MRM2: variants seen among roughly 807,000 people sequenced by gnomAD.
The protein encoded by MRM2 is mitochondrial rRNA methyltransferase 2.
MRM2 carries 15 observed loss-of-function variants against 10.9 expected under a neutral mutation model. That is an observed-to-expected ratio of 1.37 (90% CI 0.92 to 2.11). The LOEUF (loss-of-function observed/expected upper bound fraction) is 2.11, where lower values mean the gene tolerates loss of function less well. Ranked by LOEUF, MRM2 falls within the 30% of genes most tolerant of loss-of-function variation. The probability of loss-of-function intolerance (pLI) is 0.00; values close to 1 mark genes in which losing one functional copy is unlikely to be tolerated. For missense variants in MRM2, 328 were observed against 321.3 expected (o/e 1.02, Z -0.16); for synonymous variants, 139 against 128.7 (o/e 1.08, Z -0.54).
At position 2,235,279 on chromosome 7, in the gene MRM2, G is replaced by A. The variant is rs373582501; in HGVS notation, c.584C>T (p.Thr195Ile). 1.9e-6 allele frequency: 3 copies of A among 1,614,140 alleles called. No homozygotes were observed. In the Admixed American group the frequency reaches 5.0e-5, roughly 27 times the overall value. Residue 195 changes from threonine (T) to isoleucine (I), a missense_variant, in exon 3 of 3, where the codon ACC becomes ATC. Coordinates refer to ENST00000242257, the MANE Select transcript of MRM2 (RefSeq NM_013393.3). ...CCGACGGCTTTGACTTCCAGCCCAGGTTTTACAAAGGAATGTCCCCCCAGG... is the reference window on the plus strand; with the variant it reads ...CCGACGGCTTTGACTTCCAGCCCAGATTTTACAAAGGAATGTCCCCCCAGG... ...LQPGGTFLCK[T>I]WAGSQSRRLQ...
chr7:2,241,628 A>C (rs1488328058), intron 1 of MRM2, among the ~76,000 whole-genome samples: 2 of 152,202 alleles, frequency 1.3e-5, no homozygotes, highest in Non-Finnish European at 2.9e-5. Flanking sequence ...TGATTTAAAT[A>C]AATAAATAAA....
At chr7:2,242,050 G>A (rs1009504925) in intron 1 of MRM2, 112 bp downstream of exon 1, 5 of 1,187,140 alleles carry the variant, frequency 4.2e-6, no homozygotes, top group African/African-American at 1.6e-5. Context: ...TGAGTGCGGG[G>A]ACGGTGCCCA....
intron 2 of MRM2, chr7:2,239,151 G>A (rs770531510): frequency 1.3e-6 from 1 of 779,300 alleles, no homozygotes; most frequent in Admixed American, 1.7e-5. Context: ...AAGCCTGGAA[G>A]GATGCACACC....
Position 2,238,995 on chromosome 7 carries a change from ATATATATATATATATATATATATATATAT to A in MRM2, c.298+394_298+422del, listed in dbSNP as rs1794469362. 6.6e-5 allele frequency: 4 copies of A among 60,706 alleles called. 1 individual carries two copies. The highest frequency in any genetic ancestry group is 1.2e-4 in the Non-Finnish European group (4 of 34,772). The allele number at this position is 60,706 out of a possible 1,614,324, so 3.8% of individuals were successfully genotyped here. ...ATAATAATTATATATATATATATAT[ATATATATATATATATATATATATATATAT>A]ATATAATACATATATGTATGTATCA... On this transcript the variant is annotated intron_variant, in intron 2 of 2. Coordinates refer to ENST00000242257, the MANE Select transcript of MRM2 (RefSeq NM_013393.3).
At chr7:2,237,040 T>C (rs1794431346) in intron 2 of MRM2, among the ~76,000 whole-genome samples, 1 of 152,312 alleles carries the variant, frequency 6.6e-6, no homozygotes, top group African/African-American at 2.4e-5. Context: ...TGTGTGTGTG[T>C]GTGAGACAAG....
Position 2,239,349 on chromosome 7 carries a change from A to G in MRM2, c.298+69T>C, listed in dbSNP as rs548493589. 4.3e-4 allele frequency: 637 copies of G among 1,480,246 alleles called. 3 individuals are homozygous for G. The highest frequency in any genetic ancestry group is 7.4e-4 in the Admixed American group (41 of 55,662). The allele number at this position is 1,480,246 out of a possible 1,614,324, so 91.7% of individuals were successfully genotyped here. ...TCCACCATCCCGCATCCACTGGCAAAGGCAGCTTGCCCATGCCCACTCAGC... is the reference window on the plus strand; with the variant it reads ...TCCACCATCCCGCATCCACTGGCAAGGGCAGCTTGCCCATGCCCACTCAGC... On this transcript the variant is annotated intron_variant, in intron 2 of 2. Coordinates refer to ENST00000242257, the MANE Select transcript of MRM2 (RefSeq NM_013393.3).
chr7:2,238,133 C>A (rs141948315), intron 2 of MRM2: 120 of 152,310 alleles, frequency 7.9e-4, no homozygotes, highest in African/African-American at 2.8e-3. Context: ...GACCAGTGTC[C>A]CTACTCTAAG....
In MRM2 at chr7:2,235,255, C is replaced by T. The variant is rs1227615209; in HGVS notation, c.608G>A (p.Arg203Gln). ...TTCCTCTGTCAGTCTCCTCTGTAAC[C>T]GACGGCTTTGACTTCCAGCCCAGGT... is the stretch of plus-strand genomic sequence containing the variant. ...CKTWAGSQSR[R>Q]LQRRLTEEFQ... Residue 203 changes from arginine (R) to glutamine (Q), a missense_variant, in exon 3 of 3, where the codon CGG (arginine) becomes CAG (glutamine). Physicochemically the swap from Arg to Gln is conservative, Grantham distance 43. Transcript: ENST00000242257. 8 of 1,613,984 alleles carry T rather than the reference C, an allele frequency of 5.0e-6. No homozygotes were observed. The highest frequency in any genetic ancestry group is 2.7e-5 in the African/African-American group (2 of 74,912).
chr7:2,234,975 G>C lies in MRM2; in HGVS notation c.*147C>G, dbSNP rs575704141. The C allele has an allele frequency of 6.3e-6, 4 of 634,152 alleles. No homozygotes were observed. The highest frequency in any genetic ancestry group is 3.0e-5 in the Admixed American group (1 of 33,598). 39.3% of individuals were successfully genotyped at this position (634,152 alleles called of 1,614,324 possible). The stretch of plus-strand genomic sequence containing the variant: ...TCATCTCTTTTTGGTTAAAAAGAGA[G>C]AGAGAGAAAGAGAGAGAGAGACTCC... On this transcript the variant is annotated 3_prime_UTR_variant, in exon 3 of 3. Coordinates refer to ENST00000242257, the MANE Select transcript of MRM2 (RefSeq NM_013393.3).
chr7:2,239,514 G>T lies in MRM2; in HGVS notation c.202C>A (p.Gln68Lys). Residue 68 changes from glutamine (Q) to lysine (K), a missense_variant, in exon 2 of 3, where the codon CAG becomes AAG. Physicochemically the swap from Gln to Lys is moderately conservative, Grantham distance 53 (BLOSUM62 1). Coordinates refer to ENST00000242257, the MANE Select transcript of MRM2 (RefSeq NM_013393.3). ...FKLLEVNERH[Q>K]ILRPGLRVLD... The stretch of plus-strand genomic sequence containing the variant: ...ACCCGAAGGCCGGGCCGCAGAATCT[G>T]GTGCCTCTCGTTCACCTCCAGGAGC... 6.2e-7 allele frequency: 1 copy of T among 1,613,982 alleles called. No homozygotes were observed. Among genetic ancestry groups the T allele is most frequent in the Non-Finnish European group, 8.5e-7 (1 of 1,180,026 alleles).
rs1454172184 is a variant in MRM2, at chr7:2,242,183, G to A, written c.-14C>T. On this transcript the variant is annotated 5_prime_UTR_variant, in exon 1 of 3. Transcript: ENST00000242257. The stretch of plus-strand genomic sequence containing the variant: ...TCACCCCGCCATTGGTGTTCCCCGC[G>A]CCTGCAGCGCGCCGCCGGAAGTGCC... 4 of 1,579,490 alleles carry A rather than the reference G, an allele frequency of 2.5e-6. No individual in the cohort carries two copies. The highest frequency in any genetic ancestry group is 1.1e-5 in the South Asian group (1 of 87,712).
At chr7:2,240,418 C>T (rs1431621877) in intron 1 of MRM2, 3 of 313,300 alleles carry the variant, frequency 9.6e-6, no homozygotes, top group Admixed American at 4.2e-5. Context: ...TTCTTTTTTT[C>T]GAGACAGGGT....
rs1794481796 is a variant in MRM2 at position 2,239,502 on chromosome 7, G to T, written c.214C>A (p.Pro72Thr). The change falls in exon 2 of 3, where the codon CCC becomes ACC. Residue 72 changes from proline (P) to threonine (T), a missense_variant. Physicochemically the swap from Pro to Thr is conservative, Grantham distance 38. Coordinates refer to ENST00000242257, the MANE Select transcript of MRM2 (RefSeq NM_013393.3). ...EVNERHQILR[P>T]GLRVLDCGAA... ...CCACAGTCTAACACCCGAAGGCCGG[G>T]CCGCAGAATCTGGTGCCTCTCGTTC... The T allele has an allele frequency of 1.9e-6, 3 of 1,613,852 alleles. No homozygotes were observed. The highest frequency in any genetic ancestry group is 2.5e-6 in the Non-Finnish European group (3 of 1,180,040).
In MRM2 at chr7:2,235,381, C is replaced by A. The variant is rs758910625; in HGVS notation, c.482G>T (p.Gly161Val). 31 of 1,614,076 alleles carry A rather than the reference C, an allele frequency of 1.9e-5. No homozygotes were observed. The highest frequency in any genetic ancestry group is 2.5e-5 in the Non-Finnish European group (29 of 1,180,022). Residue 161 changes from glycine to valine, a missense_variant, in exon 3 of 3, where the codon GGG becomes GTG. By Grantham distance (109) the Gly-to-Val change is moderately radical. Coordinates refer to ENST00000242257, the MANE Select transcript of MRM2 (RefSeq NM_013393.3). ...CCTGTCATGATCGAGGTCCCGGAAC[C>A]CTGTGGCATTGGGCGCCATGTCGCT... The part of the protein sequence containing the change: ...ILSDMAPNAT[G>V]FRDLDHDRLI...
rs751283850 is a variant in MRM2, at chr7:2,235,320, G to A, written c.543C>T (p.Thr181=). Residue 181 remains threonine (T), a synonymous_variant, in exon 3 of 3, where the codon ACC becomes ACT. Coordinates refer to ENST00000242257, the MANE Select transcript of MRM2 (RefSeq NM_013393.3). ...TCCCCCCAGGTTGCAGGATGTCTGG[G>A]GTCACGCTGAGAAGGGTCAGGCACA... is the stretch of plus-strand genomic sequence containing the variant. ...ISLCLTLLSV[T]PDILQPGGTF... The A allele has an allele frequency of 1.2e-6, 2 of 1,614,012 alleles. No homozygotes were observed. Among genetic ancestry groups the A allele is most frequent in the Admixed American group, 1.7e-5 (1 of 60,000 alleles).
Position 2,234,965 on chromosome 7 carries a change from TAAA to T in MRM2, c.*154_*156del. The T allele has an allele frequency of 1.6e-6, 1 of 621,126 alleles. No individual in the cohort carries two copies. The highest frequency in any genetic ancestry group is 2.0e-5 in the South Asian group (1 of 49,178). The allele number at this position is 621,126 out of a possible 1,614,324, so 38.5% of individuals were successfully genotyped here. ...CTTAGTTTTGTCATCTCTTTTTGGT[TAAA>T]AAGAGAGAGAGAGAAAGAGAGAGAG... is the stretch of plus-strand genomic sequence containing the variant. On this transcript the variant is annotated 3_prime_UTR_variant, in exon 3 of 3. Transcript: ENST00000242257.
Position 2,239,820 on chromosome 7 carries a change from C to G in MRM2, c.9-113G>C, listed in dbSNP as rs531158210. 4.2e-6 allele frequency: 4 copies of G among 958,430 alleles called. No homozygotes were observed. In the African/African-American group the frequency reaches 4.9e-5, roughly 12 times the overall value. 59.4% of individuals were successfully genotyped at this position (958,430 alleles called of 1,614,324 possible). A position where few individuals can be genotyped will look rare whatever the true frequency, so the allele number is the denominator to read the frequency against. ...TTTCTAGAGATGGGGCACCAAGGCC[C>G]AGGAGGGGAGGTGAACTGATAAGGC... is the stretch of plus-strand genomic sequence containing the variant. On this transcript the variant is annotated intron_variant, in intron 1 of 2. Transcript: ENST00000242257.
intron 1 of MRM2, 91 bp downstream of exon 1, chr7:2,242,071 C>T: frequency 7.2e-7 from 1 of 1,386,786 alleles, no homozygotes; most frequent in Non-Finnish European, 9.9e-7. Flanking sequence ...GCGCTCGGCA[C>T]CCAGCCCCGA....
intron 2 of MRM2, among the ~76,000 whole-genome samples, chr7:2,237,479 G>T (rs73043203): frequency 6.6e-6 from 1 of 152,134 alleles, no homozygotes; most frequent in South Asian, 2.1e-4. Context: ...AAGGCACGCT[G>T]GGCCACTCTC....
Sources: gnomAD v4.1 joint callset for allele counts (sites outside exome capture counted in the v4.1 genomes callset) on GRCh38, gnomAD v4.1.1 for gene constraint, MANE v1.5 for transcripts, NCBI Gene and HGNC (gene_info 2026-07-23, HGNC 2026-07-21) for gene names.